Variants in TYR observed in about 807,000 individuals in gnomAD.
The protein encoded by TYR is LB24-AB.
TYR carries 58 observed loss-of-function variants against 51.5 expected under a neutral mutation model. The ratio of observed to expected loss-of-function variants is 1.13; its 90% CI spans 0.91 to 1.40. TYR has a LOEUF of 1.40. Among genes scored for constraint, TYR ranks in the 40% most tolerant of loss-of-function variants. TYR has a pLI of 0.00. For missense variants in TYR, 732 were observed against 647.4 expected, an observed-to-expected ratio of 1.13 and a Z score of -1.42; for synonymous variants, 263 against 235.2, an observed-to-expected ratio of 1.12 and a Z score of -1.08.
At chr11:89,288,715 G>A (rs1203279877) in intron 4 of TYR, among the ~76,000 whole-genome samples, 2 of 151,890 alleles carry the variant, frequency 1.3e-5, no homozygotes, top group African/African-American at 4.8e-5. Context: ...GCCAGTTTGG[G>A]CAACACAGCA....
At chr11:89,284,344 A>G (rs1480740738) in intron 3 of TYR, among the ~76,000 whole-genome samples, 4 of 151,872 alleles carry the variant, frequency 2.6e-5, no homozygotes, top group Non-Finnish European at 5.9e-5. Context: ...AATCATTGAA[A>G]GCCTCCCACC....
intron 3 of TYR, among the ~76,000 whole-genome samples, chr11:89,258,759 C>T (rs1944423973): frequency 6.6e-6 from 1 of 152,166 alleles, no homozygotes; most frequent in African/African-American, 2.4e-5. Flanking sequence ...AACAATACGG[C>T]TTTCTTCCTT....
At chr11:89,216,014 T>C (rs1405131164) in intron 2 of TYR, among the ~76,000 whole-genome samples, 1 of 152,214 alleles carries the variant, frequency 6.6e-6, no homozygotes, top group African/African-American at 2.4e-5. Context: ...AGGATTTTGG[T>C]ATCTTTAATC....
intron 2 of TYR, among the ~76,000 whole-genome samples, chr11:89,227,200 C>G (rs985660952): frequency 6.6e-6 from 1 of 152,016 alleles, no homozygotes; most frequent in African/African-American, 2.4e-5. Flanking sequence ...AATAATTGCT[C>G]TTATTAAAAT....
intron 3 of TYR, among the ~76,000 whole-genome samples, chr11:89,271,915 C>T (rs1287372397): frequency 4.1e-4 from 62 of 152,030 alleles, no homozygotes; most frequent in East Asian, 1.2e-3. Flanking sequence ...ACCCCTCATT[C>T]GTTCAAATTT....
intron 3 of TYR, among the ~76,000 whole-genome samples, chr11:89,266,182 A>T (rs1452149775): frequency 1.3e-5 from 2 of 152,104 alleles, no homozygotes; most frequent in Non-Finnish European, 2.9e-5. Flanking sequence ...ACTTTAACAC[A>T]TCATGCTTTT....
chr11:89,250,045 G>C (rs905764765), intron 3 of TYR, among the ~76,000 whole-genome samples: 11 of 151,994 alleles, frequency 7.2e-5, no homozygotes, highest in Non-Finnish European at 1.3e-4. Context: ...CAGTTCTTAA[G>C]GGGCTGGGGG....
intron 2 of TYR, among the ~76,000 whole-genome samples, chr11:89,224,832 G>A (rs371135387): frequency 6.6e-6 from 1 of 152,114 alleles, no homozygotes; most frequent in African/African-American, 2.4e-5. Flanking sequence ...CTTCTTACAA[G>A]TTGGGTAGTT....
At chr11:89,182,143 G>A (rs1175780470) in intron 1 of TYR, among the ~76,000 whole-genome samples, 4 of 152,138 alleles carry the variant, frequency 2.6e-5, no homozygotes. Flanking sequence ...TTTCCAGCCT[G>A]TCTGTATCTG....
chr11:89,200,344 T>G (rs1033734066), intron 2 of TYR: 1 of 152,202 alleles, frequency 6.6e-6, no homozygotes, highest in Non-Finnish European at 1.5e-5. Flanking sequence ...CCCAAAATGC[T>G]GGGATTACAG....
At chr11:89,205,684 G>C (rs984956908) in intron 2 of TYR, among the ~76,000 whole-genome samples, 1 of 151,840 alleles carries the variant, frequency 6.6e-6, no homozygotes, top group African/African-American at 2.4e-5. Context: ...CTCAGATGAA[G>C]TAAAATGAAA....
chr11:89,179,725 A>C (rs1943275815), intron 1 of TYR, among the ~76,000 whole-genome samples: 1 of 152,206 alleles, frequency 6.6e-6, no homozygotes, highest in African/African-American at 2.4e-5. Context: ...TGAAAACTTT[A>C]GATAAAATAT....
chr11:89,244,040 T>C (rs1023972042), intron 3 of TYR, among the ~76,000 whole-genome samples: 6 of 152,156 alleles, frequency 3.9e-5, no homozygotes, highest in Non-Finnish European at 7.4e-5. Context: ...ATTTCCTTTG[T>C]GTTTTACAAA....
At chr11:89,195,746 T>C (rs141332595) in intron 2 of TYR, among the ~76,000 whole-genome samples, 1 of 152,028 alleles carries the variant, frequency 6.6e-6, no homozygotes, top group African/African-American at 2.4e-5. Flanking sequence ...AATAAGTCTG[T>C]ATTATAAGAA....
intron 4 of TYR, among the ~76,000 whole-genome samples, chr11:89,287,082 G>A (rs757863359): frequency 1.3e-5 from 2 of 151,570 alleles, no homozygotes; most frequent in African/African-American, 2.4e-5. Context: ...GTTTACTCAC[G>A]CCTTTCTCAT....
chr11:89,190,220 A>G (rs573620562), intron 1 of TYR, among the ~76,000 whole-genome samples: 1 of 152,258 alleles, frequency 6.6e-6, no homozygotes, highest in South Asian at 2.1e-4. Flanking sequence ...AGCCTCAGGC[A>G]GGCTCTCCAG....
chr11:89,191,819 A>G (rs1943450014), intron 2 of TYR, among the ~76,000 whole-genome samples: 2 of 152,144 alleles, frequency 1.3e-5, no homozygotes, highest in South Asian at 2.1e-4. Flanking sequence ...AAATATATGA[A>G]TATATTCATC....
intron 1 of TYR, among the ~76,000 whole-genome samples, chr11:89,189,742 T>C (rs1203019136): frequency 6.6e-6 from 1 of 152,070 alleles, no homozygotes; most frequent in African/African-American, 2.4e-5. Flanking sequence ...TATCTTCATT[T>C]GATAGATGAG....
Position 89,191,751 on chromosome 11 carries a change from G to C in TYR, c.1036+333G>C, listed in dbSNP as rs536966874. Among the ~76,000 whole-genome samples the C allele has an allele frequency of 7.2e-5, 11 of 152,146 alleles. No individual in the cohort carries two copies. The South Asian group carries it at 2.3e-3, about 32-fold the overall frequency. ...TTCCAGCCTCGGTAACAAAGTGAGA[G>C]ACTCTGAGGAAAGAAGCAGCAGCAG... On this transcript the variant is annotated intron_variant, in intron 2 of 4. Coordinates refer to ENST00000263321, the MANE Select transcript of TYR (RefSeq NM_000372.5).
Sources: allele counts gnomAD v4.1 joint callset (sites outside exome capture counted in the v4.1 genomes callset), GRCh38; gene constraint gnomAD v4.1.1; transcripts MANE v1.5; gene names NCBI Gene and HGNC (gene_info 2026-07-23, HGNC 2026-07-21).